Variants in VPS8 observed in about 807,000 individuals in gnomAD.
VPS8 encodes vacuolar protein sorting-associated protein 8 homolog.
Under a neutral mutation model 216.4 loss-of-function variants are expected in VPS8, and 129 were observed. The ratio of observed to expected loss-of-function variants is 0.60; its 90% CI spans 0.52 to 0.69. VPS8 has a LOEUF of 0.69. VPS8 is among the 30% of genes least tolerant of loss of function. The pLI, the probability that VPS8 is intolerant of heterozygous loss-of-function variation, is 0.00. For synonymous variants in VPS8, 571 were observed against 565.4 expected (o/e 1.01, Z -0.14); for missense variants, 1,531 against 1,683.5 (o/e 0.91, Z 1.59).
At chr3:184,995,571 A>C (rs982051731) in intron 43 of VPS8, among the ~76,000 whole-genome samples, 2 of 152,242 alleles carry the variant, frequency 1.3e-5, no homozygotes, top group Non-Finnish European at 2.9e-5. Flanking sequence ...CTGTATAACA[A>C]GGAGGGCAGG....
At chr3:184,966,786 C>G in intron 39 of VPS8, 73 bp downstream of exon 39, 1 of 1,108,378 alleles carries the variant, frequency 9.0e-7, no homozygotes, top group Non-Finnish European at 1.3e-6. Context: ...TAATAAATTG[C>G]ATTTATTATG....
At chr3:184,855,619 A>G (rs1725093000) in intron 13 of VPS8, 92 bp from the exon 14 acceptor site, 2 of 1,036,502 alleles carry the variant, frequency 1.9e-6, no homozygotes, top group Middle Eastern at 2.1e-4. Context: ...TTATCAAGGA[A>G]CACTAGTCAG....
chr3:184,925,675 G>C (rs573757973), intron 30 of VPS8, among the ~76,000 whole-genome samples: 1 of 152,100 alleles, frequency 6.6e-6, no homozygotes, highest in Admixed American at 6.5e-5. Flanking sequence ...TGACTCCTAA[G>C]CCCATGCTTT....
intron 25 of VPS8, among the ~76,000 whole-genome samples, chr3:184,904,837 C>T (rs1735200583): frequency 6.6e-6 from 1 of 152,106 alleles, no homozygotes; most frequent in African/African-American, 2.4e-5. Flanking sequence ...CTGGGCTTTT[C>T]TTTATTGGAA....
chr3:184,953,562 C>T (rs537077147), intron 36 of VPS8, among the ~76,000 whole-genome samples: 4 of 152,224 alleles, frequency 2.6e-5, no homozygotes, highest in Non-Finnish European at 5.9e-5. Flanking sequence ...TCCTCAGGGG[C>T]CCCCTTATCT....
intron 40 of VPS8, among the ~76,000 whole-genome samples, chr3:184,981,040 G>T (rs1170087460): frequency 6.6e-6 from 1 of 152,176 alleles, no homozygotes; most frequent in Non-Finnish European, 1.5e-5. Flanking sequence ...TGTGGGGTCA[G>T]TCAACTGTCT....
Position 184,886,111 on chromosome 3 carries a change from A to G in VPS8, c.1736A>G (p.Asp579Gly), listed in dbSNP as rs746576786. 3.7e-6 allele frequency: 6 copies of G among 1,609,192 alleles called. No homozygotes were observed. Among genetic ancestry groups the G allele is most frequent in the Non-Finnish European group, 4.2e-6 (5 of 1,177,732 alleles). The change falls in exon 22 of 48, where the codon GAT becomes GGT. Residue 579 changes from aspartate to glycine, a missense_variant and splice_region_variant. This residue lies in a region of VPS8 where 1,318 missense variants were observed against 1,468.4 expected (regional missense o/e 0.90). Transcript: ENST00000625842. The part of the protein sequence containing the change: ...KIQVMEQHFQ[D>G]MVPVIVDYCL... ...GCTTTCTTTATGGTTCCTCTACAGG[A>G]TATGGTGCCTGTCATAGTTGATTAC...
intron 1 of VPS8, among the ~76,000 whole-genome samples, chr3:184,822,634 T>A (rs1390564150): frequency 6.6e-6 from 1 of 152,232 alleles, no homozygotes; most frequent in Non-Finnish European, 1.5e-5. Flanking sequence ...TGAACGTGAA[T>A]TAGATTGTGC....
At chr3:184,982,145 G>A (rs1477422466) in intron 40 of VPS8, among the ~76,000 whole-genome samples, 1 of 152,020 alleles carries the variant, frequency 6.6e-6, no homozygotes, top group Non-Finnish European at 1.5e-5. Context: ...GACAGCTAGT[G>A]GGGGTGCTTA....
At chr3:185,003,751 C>G (rs1380768923) in intron 45 of VPS8, among the ~76,000 whole-genome samples, 3 of 150,360 alleles carry the variant, frequency 2.0e-5, no homozygotes, top group African/African-American at 7.5e-5. Context: ...AGGGGCTCCT[C>G]ACTTCTCAGA....
At chr3:184,881,918 G>A (rs1321858257) in intron 21 of VPS8, among the ~76,000 whole-genome samples, 2 of 151,810 alleles carry the variant, frequency 1.3e-5, no homozygotes, top group Non-Finnish European at 2.9e-5. Context: ...CATATGGAAT[G>A]TTTATTTTAT....
intron 25 of VPS8, among the ~76,000 whole-genome samples, chr3:184,906,104 A>G (rs1210303021): frequency 3.3e-5 from 5 of 152,142 alleles, no homozygotes; most frequent in African/African-American, 9.7e-5. Context: ...AGCTACAAAT[A>G]TTCCTCAAAG....
intron 10 of VPS8, among the ~76,000 whole-genome samples, chr3:184,850,418 A>T (rs908736141): frequency 6.6e-6 from 1 of 152,136 alleles, no homozygotes. Context: ...TTTATTGCTG[A>T]GGTGGTGTGC....
At chr3:184,970,640 A>G (rs1450208115) in intron 39 of VPS8, among the ~76,000 whole-genome samples, 1 of 152,228 alleles carries the variant, frequency 6.6e-6, no homozygotes. Context: ...GGAGGGTGAG[A>G]TGAGCCCAAG....
chr3:184,914,457 A>G (rs758322701), intron 26 of VPS8, among the ~76,000 whole-genome samples: 38 of 152,324 alleles, frequency 2.5e-4, no homozygotes, highest in Non-Finnish European at 3.4e-4. Context: ...AGAAGGTTTG[A>G]TTTGGAGGTA....
chr3:184,823,220 T>C (rs1393921446), intron 1 of VPS8, among the ~76,000 whole-genome samples: 1 of 152,206 alleles, frequency 6.6e-6, no homozygotes, highest in African/African-American at 2.4e-5. Context: ...TTTAAAAAAT[T>C]AGTTATTTCA....
intron 16 of VPS8, among the ~76,000 whole-genome samples, chr3:184,866,217 A>G (rs1727328261): frequency 6.6e-6 from 1 of 152,246 alleles, no homozygotes. Context: ...ACTGTTCCAC[A>G]GTAAAAAGTA....
chr3:184,888,964 A>C (rs1224382974), intron 22 of VPS8, among the ~76,000 whole-genome samples: 1 of 152,190 alleles, frequency 6.6e-6, no homozygotes, highest in Non-Finnish European at 1.5e-5. Context: ...AAGTGGGCCT[A>C]ACAGTTGTAA....
chr3:185,019,765 T>C (rs1756386328), intron 45 of VPS8, among the ~76,000 whole-genome samples: 1 of 152,206 alleles, frequency 6.6e-6, no homozygotes, highest in Non-Finnish European at 1.5e-5. Flanking sequence ...ATGGCCAATT[T>C]TGGGGCCAGT....
Sources: gnomAD v4.1 joint callset for allele counts (sites outside exome capture counted in the v4.1 genomes callset) on GRCh38, gnomAD v4.1.1 for gene constraint, gnomAD v4.1.1 regional missense constraint, MANE v1.5 for transcripts, NCBI Gene and HGNC (gene_info 2026-07-23, HGNC 2026-07-21) for gene names.